The following PYGB variants were observed in gnomAD, a reference collection of about 807,000 sequenced individuals.
PYGB encodes glycogen phosphorylase, brain form.
PYGB carries 82 observed loss-of-function variants against 94.3 expected under a neutral mutation model. The ratio of observed to expected loss-of-function variants is 0.87; its 90% confidence interval spans 0.73 to 1.04. The LOEUF (loss-of-function observed/expected upper bound fraction) is 1.04. Among genes scored for constraint, PYGB ranks in the 50% least tolerant of loss-of-function variants. The probability of loss-of-function intolerance (pLI) is 0.00; values close to 1 mark genes in which losing one functional copy is unlikely to be tolerated. For synonymous variants in PYGB, 488 were observed against 479.1 expected (o/e 1.02, Z -0.24); for missense variants, 1,132 against 1,158.2 (o/e 0.98, Z 0.33).
rs777242041 is a variant in PYGB at position 25,290,491 on chromosome 20, G to A, written c.1838G>A (p.Gly613Asp). ...TVMIGGKAAP[G>D]YHMAKLIIKL... ...ACCCTCTCCTTCCAGGCAGCGCCCG[G>A]TTACCACATGGCCAAGCTGATCATC... is the stretch of plus-strand genomic sequence containing the variant. The change falls in exon 16 of 20, where the codon GGT becomes GAT. Residue 613 changes from glycine (G) to aspartate (D), a missense_variant. Coordinates refer to ENST00000216962, the MANE Select transcript of PYGB (RefSeq NM_002862.4). The A allele has an allele frequency of 7.5e-6, 12 of 1,604,770 alleles. No individual in the cohort carries two copies. Among genetic ancestry groups the A allele is most frequent in the East Asian group, 2.2e-5 (1 of 44,538 alleles).
intron 1 of PYGB, among the ~76,000 whole-genome samples, chr20:25,255,092 C>A (rs533113501): frequency 2.0e-5 from 3 of 152,170 alleles, no homozygotes; most frequent in Non-Finnish European, 4.4e-5. Context: ...AAGAAAGTAC[C>A]GTGTGACATC....
chr20:25,289,169 G>A (rs1416494671), intron 15 of PYGB, among the ~76,000 whole-genome samples: 2 of 152,196 alleles, frequency 1.3e-5, no homozygotes, highest in East Asian at 1.9e-4. Flanking sequence ...GTGGGAAGCT[G>A]GTCAGAGGGG....
chr20:25,260,799 C>T (rs763357791), intron 2 of PYGB, among the ~76,000 whole-genome samples: 2 of 152,216 alleles, frequency 1.3e-5, no homozygotes, highest in African/African-American at 2.4e-5. Context: ...ACTTTTCCAA[C>T]GGTCTTAGCA....
At chr20:25,283,350 C>G (rs2088386886) in intron 13 of PYGB, 73 bp downstream of exon 13, 1 of 1,339,220 alleles carries the variant, frequency 7.5e-7, no homozygotes. Flanking sequence ...GGCCCTAGCC[C>G]TCCTACAGGC....
In PYGB at chr20:25,290,599, A is replaced by G. The variant is rs1237979392; in HGVS notation, c.1946A>G (p.Tyr649Cys). The change falls in exon 16 of 20, where the codon TAC (tyrosine) becomes TGC (cysteine). Residue 649 changes from tyrosine (Y) to cysteine (C), a missense_variant. Physicochemically the swap from Tyr to Cys is radical, Grantham distance 194. Transcript: ENST00000216962. The part of the protein sequence containing the change: ...DRLKVIFLEN[Y>C]RVSLAEKVIP... ...TTGAAAGTGATCTTCCTGGAGAACT[A>G]CCGTGTGTCCTTGGCTGAGAAAGGT... is the stretch of plus-strand genomic sequence containing the variant. The G allele has an allele frequency of 6.2e-7, 1 of 1,605,360 alleles. No individual in the cohort carries two copies. Among genetic ancestry groups the G allele is most frequent in the Admixed American group, 1.7e-5 (1 of 59,896 alleles).
chr20:25,291,192 C>G (rs1231139117), intron 16 of PYGB, among the ~76,000 whole-genome samples: 1 of 152,226 alleles, frequency 6.6e-6, no homozygotes, highest in African/African-American at 2.4e-5. Context: ...GTGGCAGCAC[C>G]TGCCTCATCT....
At position 25,248,869 on chromosome 20, in the gene PYGB, C is replaced by T. The variant is rs946411435; in HGVS notation, c.243+448C>T. 3.9e-5 allele frequency among the ~76,000 whole-genome samples: 6 copies of T among 152,190 alleles called. No individual in the cohort carries two copies. In the South Asian group the frequency reaches 6.2e-4, roughly 16 times the overall value. On this transcript the variant is annotated intron_variant, in intron 1 of 19. Coordinates refer to ENST00000216962, the MANE Select transcript of PYGB (RefSeq NM_002862.4). ...CTTGTGGGTTGGAATGGGGTGAGCT[C>T]GGTAATCTGCAGGGAATTGTGAGAC...
chr20:25,283,993 CT>C (rs2088393811), intron 13 of PYGB, 110 bp from the exon 14 acceptor site: 7 of 1,345,218 alleles, frequency 5.2e-6, no homozygotes, highest in Non-Finnish European at 7.2e-6. Context: ...CTGTATACCC[CT>C]GCCCCCTCCC....
At chr20:25,265,460 A>C (rs544194885) in intron 2 of PYGB, among the ~76,000 whole-genome samples, 1 of 152,092 alleles carries the variant, frequency 6.6e-6, no homozygotes, top group African/African-American at 2.4e-5. Flanking sequence ...TTTTATTTGC[A>C]TGTTCCTGAT....
intron 4 of PYGB, among the ~76,000 whole-genome samples, 159 bp from the exon 5 acceptor site, chr20:25,274,433 C>T (rs545211745): frequency 6.6e-6 from 1 of 152,350 alleles, no homozygotes; most frequent in East Asian, 1.9e-4. Flanking sequence ...CCCACGTGGG[C>T]TTCGCCAGAA....
chr20:25,267,235 T>C (rs981989966), intron 2 of PYGB, among the ~76,000 whole-genome samples: 6 of 151,992 alleles, frequency 3.9e-5, no homozygotes, highest in African/African-American at 1.5e-4. Context: ...CCATGAAATA[T>C]CCAAAATAGG....
chr20:25,288,459 C>A lies in PYGB; in HGVS notation c.1803C>A (p.Pro601=), dbSNP rs748346939. 1 of 1,614,130 alleles carries A rather than the reference C, an allele frequency of 6.2e-7. No homozygotes were observed. Among genetic ancestry groups the A allele is most frequent in the Non-Finnish European group, 8.5e-7 (1 of 1,180,014 alleles). The change falls in exon 15 of 20, where the codon CCC becomes CCA. Residue 601 remains proline, a synonymous_variant. Coordinates refer to ENST00000216962, the MANE Select transcript of PYGB (RefSeq NM_002862.4). ...GAGACCCGGCCAAGGCTTTTGTGCC[C>A]AGGACTGTTATGATTGGGGGCAAGG... ...IKRDPAKAFV[P]RTVMIGGKAA...
chr20:25,265,720 G>A (rs1008834431), intron 2 of PYGB, among the ~76,000 whole-genome samples: 4 of 151,032 alleles, frequency 2.6e-5, no homozygotes, highest in Admixed American at 2.6e-4. Flanking sequence ...TCAGTCTCCC[G>A]AGTAGCTGGG....
chr20:25,277,149 C>A, intron 6 of PYGB, 95 bp from the exon 7 acceptor site: 1 of 969,682 alleles, frequency 1.0e-6, no homozygotes, highest in Non-Finnish European at 1.6e-6. Context: ...TGTGCTCGAG[C>A]GAGTTTCCTT....
Position 25,272,170 on chromosome 20 carries a change from G to A in PYGB, c.528+684G>A, listed in dbSNP as rs368381821. 5.8e-4 allele frequency among the ~76,000 whole-genome samples: 89 copies of A among 152,332 alleles called. 2 individuals carry two copies. The highest frequency in any genetic ancestry group is 1.9e-3 in the African/African-American group (80 of 41,576). ...AATGAAAGTCACCACTATTCCATTC[G>A]GTTAGAAAATGGTTTATTTAATATC... On this transcript the variant is annotated intron_variant, in intron 4 of 19. Transcript: ENST00000216962.
At chr20:25,270,051 A>G (rs566470937) in intron 3 of PYGB, among the ~76,000 whole-genome samples, 1 of 152,244 alleles carries the variant, frequency 6.6e-6, no homozygotes, top group African/African-American at 2.4e-5. Flanking sequence ...TCCCCAGAAC[A>G]AGAGTCCGCG....
chr20:25,253,833 G>A lies in PYGB; in HGVS notation c.244-5404G>A, dbSNP rs771061788. ...AACACACTTGTTAGGTCATTTTGTCGCTGTAAGTTCATTTTTCTCCGAATC... is the reference window on the plus strand; with the variant it reads ...AACACACTTGTTAGGTCATTTTGTCACTGTAAGTTCATTTTTCTCCGAATC... On this transcript the variant is annotated intron_variant, in intron 1 of 19. Transcript: ENST00000216962. Among the ~76,000 whole-genome samples the A allele has an allele frequency of 4.3e-4, 65 of 151,974 alleles. 1 individual carries two copies. Among genetic ancestry groups the A allele is most frequent in the Admixed American group, 2.0e-3 (31 of 15,254 alleles).
At chr20:25,281,977 C>T in intron 11 of PYGB, 56 bp from the exon 12 acceptor site, 1 of 1,452,900 alleles carries the variant, frequency 6.9e-7, no homozygotes, top group Non-Finnish European at 9.7e-7. Flanking sequence ...AGGTCTGTTG[C>T]TCACCTGGTG....
intron 1 of PYGB, among the ~76,000 whole-genome samples, chr20:25,253,287 C>T (rs990576014): frequency 6.6e-6 from 1 of 152,224 alleles, no homozygotes; most frequent in Non-Finnish European, 1.5e-5. Flanking sequence ...TTAAATCTGT[C>T]TCTCTCTACA....
Sources: gnomAD v4.1 joint callset for allele counts (sites outside exome capture counted in the v4.1 genomes callset) on GRCh38, gnomAD v4.1.1 for gene constraint, MANE v1.5 for transcripts, NCBI Gene and HGNC (gene_info 2026-07-23, HGNC 2026-07-21) for gene names.